Variants in ATP10D observed in about 807,000 individuals in gnomAD.
ATP10D encodes ATPase phospholipid transporting 10D (putative).
A neutral mutation model predicts 144.8 loss-of-function variants in ATP10D; 89 were observed. That is an observed-to-expected ratio of 0.61 (90% CI 0.52 to 0.73). ATP10D has a LOEUF of 0.73. ATP10D is among the 30% of genes least tolerant of loss of function. The pLI is 0.00. For synonymous variants in ATP10D, 571 were observed against 615.1 expected (o/e 0.93, Z 1.06); for missense variants, 1,603 against 1,714.8 (o/e 0.93, Z 1.15).
intron 1 of ATP10D, chr4:47,491,223 C>T (rs555233580): frequency 2.6e-6 from 2 of 766,542 alleles, no homozygotes; most frequent in Admixed American, 3.4e-5. Flanking sequence ...GAATCTTGCC[C>T]TTAACTTGTT....
chr4:47,486,448 A>G (rs952559387), intron 1 of ATP10D, among the ~76,000 whole-genome samples: 2 of 152,256 alleles, frequency 1.3e-5, no homozygotes, highest in Non-Finnish European at 2.9e-5. Flanking sequence ...TGAGAGATGC[A>G]TCAACAAGGA....
At chr4:47,585,984 T>G (rs1241688471) in intron 21 of ATP10D, among the ~76,000 whole-genome samples, 1 of 152,264 alleles carries the variant, frequency 6.6e-6, no homozygotes. Flanking sequence ...TTTGATATAC[T>G]GATTTCCTTT....
chr4:47,510,875 T>C (rs903964684), intron 1 of ATP10D, among the ~76,000 whole-genome samples: 1 of 152,242 alleles, frequency 6.6e-6, no homozygotes, highest in African/African-American at 2.4e-5. Context: ...CAGAAATAAA[T>C]CAAATTGTGC....
chr4:47,536,716 A>G lies in ATP10D; in HGVS notation c.1174A>G (p.Ile392Val), dbSNP rs1297607731. Residue 392 changes from isoleucine to valine, a missense_variant, in exon 9 of 23, where the codon ATC becomes GTC. Coordinates refer to ENST00000273859, the MANE Select transcript of ATP10D (RefSeq NM_020453.4). ...GATTCCTATTTCTCTCTATGTTTCCATCGAAATTGTGAAGCTTGGACAAAT... is the reference window on the plus strand; with the variant it reads ...GATTCCTATTTCTCTCTATGTTTCCGTCGAAATTGTGAAGCTTGGACAAAT... ...VLIPISLYVSIEIVKLGQIYF... is the reference protein window; with the variant it reads ...VLIPISLYVSVEIVKLGQIYF... The G allele has an allele frequency of 1.2e-6, 2 of 1,611,632 alleles. No individual in the cohort carries two copies. Among genetic ancestry groups the G allele is most frequent in the African/African-American group, 2.7e-5 (2 of 74,700 alleles).
intron 1 of ATP10D, among the ~76,000 whole-genome samples, chr4:47,506,201 G>A (rs562059998): frequency 5.9e-5 from 9 of 151,892 alleles, no homozygotes; most frequent in African/African-American, 1.7e-4. Flanking sequence ...TATATTAATC[G>A]CATTATATAG....
At chr4:47,562,341 C>G (rs1489545767) in intron 14 of ATP10D, among the ~76,000 whole-genome samples, 1 of 152,142 alleles carries the variant, frequency 6.6e-6, no homozygotes, top group Admixed American at 6.5e-5. Context: ...TTGTATCTTA[C>G]TGGCAGGAGC....
Position 47,561,072 on chromosome 4 carries a change from C to G in ATP10D, c.2665C>G (p.Leu889Val), listed in dbSNP as rs1719271269. 1 of 1,614,044 alleles carries G rather than the reference C, an allele frequency of 6.2e-7. No individual in the cohort carries two copies. Among genetic ancestry groups the G allele is most frequent in the South Asian group, 1.1e-5 (1 of 91,090 alleles). Residue 889 changes from leucine to valine, a missense_variant, in exon 14 of 23, where the codon CTT becomes GTT. Transcript: ENST00000273859. ...AMRLENKLTLLGATGIEDRLQ... is the reference protein window; with the variant it reads ...AMRLENKLTLVGATGIEDRLQ... ...GAGGTTGGAGAACAAACTTACATTACTTGGTAGGTGAATTATGTTTGTATT... is the reference window on the plus strand; with the variant it reads ...GAGGTTGGAGAACAAACTTACATTAGTTGGTAGGTGAATTATGTTTGTATT...
intron 10 of ATP10D, among the ~76,000 whole-genome samples, chr4:47,553,067 A>C (rs1040111058): frequency 5.3e-5 from 8 of 152,230 alleles, no homozygotes; most frequent in Admixed American, 5.2e-4. Context: ...TCTCATAAGC[A>C]CTAGACAAGA....
chr4:47,520,940 C>T (rs115623470), intron 3 of ATP10D, among the ~76,000 whole-genome samples: 236 of 152,252 alleles, frequency 1.6e-3, no homozygotes, highest in African/African-American at 5.5e-3. Context: ...AACAATTTCA[C>T]GTTATCAACT....
rs768810584 is a variant in ATP10D at position 47,558,122 on chromosome 4, A to G, written c.2283A>G (p.Pro761=). 4.6e-5 allele frequency: 75 copies of G among 1,614,094 alleles called. 2 individuals are homozygous for G. In the South Asian group the frequency reaches 8.1e-4, roughly 17 times the overall value. ...QVMVDFAALG[P]LTFQLLHILP... ...TGGTGGACTTTGCTGCTTTGGGACC[A>G]TTAACATTTCAACTCCTACACATCC... Residue 761 remains proline, a synonymous_variant, in exon 12 of 23, where the codon CCA becomes CCG. Coordinates refer to ENST00000273859, the MANE Select transcript of ATP10D (RefSeq NM_020453.4).
At chr4:47,578,907 A>G (rs192219866) in intron 19 of ATP10D, among the ~76,000 whole-genome samples, 16 of 152,370 alleles carry the variant, frequency 1.1e-4, no homozygotes, top group African/African-American at 2.6e-4. Flanking sequence ...AAGAATGTAT[A>G]TGGAGAATTT....
intron 1 of ATP10D, among the ~76,000 whole-genome samples, chr4:47,507,274 T>A (rs572940084): frequency 6.6e-6 from 1 of 152,346 alleles, no homozygotes; most frequent in South Asian, 2.1e-4. Flanking sequence ...AAGTGCTTTT[T>A]ATATATTAAC....
Position 47,535,528 on chromosome 4 carries a change from C to A in ATP10D, c.796C>A (p.Arg266Ser), listed in dbSNP as rs762815957. 1.2e-6 allele frequency: 2 copies of A among 1,611,662 alleles called. No homozygotes were observed. The highest frequency in any genetic ancestry group is 1.7e-5 in the Admixed American group (1 of 59,590). The change falls in exon 6 of 23, where the codon CGC becomes AGC. Residue 266 changes from arginine to serine, a missense_variant. Physicochemically the swap from Arg to Ser is moderately radical, Grantham distance 110. Coordinates refer to ENST00000273859, the MANE Select transcript of ATP10D (RefSeq NM_020453.4). Reference sequence around the variant, plus strand: ...TTATAGAGAACATTCCAACAAAGAACGCGTGGGTCTCAGTAAAGAAAATTT... The same window carrying A: ...TTATAGAGAACATTCCAACAAAGAAAGCGTGGGTCTCAGTAAAGAAAATTT... ...RGFLEHSNKE[R>S]VGLSKENLLL...
intron 19 of ATP10D, among the ~76,000 whole-genome samples, chr4:47,579,111 G>A (rs1037314659): frequency 3.9e-5 from 6 of 152,204 alleles, no homozygotes; most frequent in African/African-American, 1.4e-4. Context: ...TGCTGGATCT[G>A]AATGCAGCCT....
chr4:47,508,726 T>C (rs1285090974), intron 1 of ATP10D, among the ~76,000 whole-genome samples: 1 of 152,248 alleles, frequency 6.6e-6, no homozygotes, highest in Non-Finnish European at 1.5e-5. Context: ...ATTATCAATA[T>C]TTTATGTGAA....
At chr4:47,550,326 A>G (rs576814622) in intron 10 of ATP10D, among the ~76,000 whole-genome samples, 3 of 152,364 alleles carry the variant, frequency 2.0e-5, no homozygotes, top group African/African-American at 7.2e-5. Context: ...CATTTAAATT[A>G]TATGAAAGCC....
intron 5 of ATP10D, among the ~76,000 whole-genome samples, chr4:47,530,448 T>G (rs1208709526): frequency 1.4e-5 from 1 of 73,968 alleles, no homozygotes; most frequent in Non-Finnish European, 3.0e-5. Context: ...GTTGTTCTTT[T>G]TGTTTGTTTG....
At position 47,576,921 on chromosome 4, in the gene ATP10D, C is replaced by A. The variant is rs1209322214; in HGVS notation, c.3515C>A (p.Ala1172Glu). 1.9e-6 allele frequency: 3 copies of A among 1,614,050 alleles called. No homozygotes were observed. In the Admixed American group the frequency reaches 5.0e-5, roughly 27 times the overall value. Residue 1172 changes from alanine to glutamate, a missense_variant, in exon 19 of 23, where the codon GCA becomes GAA. Coordinates refer to ENST00000273859, the MANE Select transcript of ATP10D (RefSeq NM_020453.4). ...IYGVLEKDVS[A>E]ETLMQLPELY... ...GGTGTTTTGGAGAAAGATGTGTCTG[C>A]AGAGACCCTCATGCAACTGCCTGAA... is the stretch of plus-strand genomic sequence containing the variant.
chr4:47,587,119 AC>A lies in ATP10D; in HGVS notation c.3857del (p.Pro1286LeufsTer16). ...AMCVTCNPPS[N>X]PYWIMQEHML... ...TGTGTAACTTGCAACCCACCATCCA[AC>A]CCTTACTGGATTATGCAGGAGCACA... On this transcript the variant is annotated frameshift_variant, in exon 22 of 23. Transcript: ENST00000273859. LOFTEE classifies it high-confidence loss of function. The A allele has an allele frequency of 6.2e-7, 1 of 1,613,912 alleles. No homozygotes were observed. Among genetic ancestry groups the A allele is most frequent in the Non-Finnish European group, 8.5e-7 (1 of 1,179,918 alleles).
Sources: allele counts gnomAD v4.1 joint callset (sites outside exome capture counted in the v4.1 genomes callset), GRCh38; gene constraint gnomAD v4.1.1; transcripts MANE v1.5; gene names NCBI Gene and HGNC (gene_info 2026-07-23, HGNC 2026-07-21).